The following PES1 variants were observed in gnomAD, a reference collection of about 807,000 sequenced individuals.
The protein encoded by PES1 is pescadillo ribosomal biogenesis factor 1, also known as pescadillo homolog.
A neutral mutation model predicts 77.1 loss-of-function variants in PES1; 31 were observed. The observed-to-expected ratio is 0.40, with a 90% CI of 0.30 to 0.54. The LOEUF is 0.54. Among genes scored for constraint, PES1 ranks in the 20% least tolerant of loss-of-function variants. The pLI, the probability that PES1 is intolerant of heterozygous loss-of-function variation, is 0.45. For synonymous variants in PES1, 282 were observed against 303.0 expected, an observed-to-expected ratio of 0.93 and a Z score of 0.72; for missense variants, 658 against 771.7, an observed-to-expected ratio of 0.85 and a Z score of 1.75.
chr22:30,603,377 T>G (rs568405473), intron 2 of PES1, among the ~76,000 whole-genome samples: 1 of 151,394 alleles, frequency 6.6e-6, no homozygotes, highest in Non-Finnish European at 1.5e-5. Context: ...TGTTTTTGTT[T>G]GTTTTTTGTT....
In PES1 at chr22:30,580,034, A is replaced by AG; in HGVS notation, c.1169+18dup. 1 of 1,613,038 alleles carries AG rather than the reference A, an allele frequency of 6.2e-7. No homozygotes were observed. ...GACAGGATACCCAGAAATCCGGACG[A>AG]GGACCCTTGAGGGCCTACCTGCCAA... is the stretch of plus-strand genomic sequence containing the variant. On this transcript the variant is annotated intron_variant, in intron 11 of 14. Transcript: ENST00000354694.
rs774125501 is a variant in PES1 at position 30,581,632 on chromosome 22, C to T, written c.643G>A (p.Val215Met). ...AAGGTGGCCATGACCCTGTAGTCCA[C>T]GTCTGTCGGGTGCTGGGGAACACAA... is the stretch of plus-strand genomic sequence containing the variant. ...YAFSHDHPTD[V>M]DYRVMATFTE... Residue 215 changes from valine to methionine, a missense_variant, in exon 7 of 15, where the codon GTG becomes ATG. By Grantham distance (21) the Val-to-Met change is conservative (BLOSUM62 1). Coordinates refer to ENST00000354694, the MANE Select transcript of PES1 (RefSeq NM_014303.4). 2.5e-6 allele frequency: 4 copies of T among 1,611,768 alleles called. No homozygotes were observed. The highest frequency in any genetic ancestry group is 3.4e-6 in the Non-Finnish European group (4 of 1,178,608).
chr22:30,602,982 C>T (rs1314145441), intron 2 of PES1, among the ~76,000 whole-genome samples: 1 of 152,112 alleles, frequency 6.6e-6, no homozygotes, highest in African/African-American at 2.4e-5. Flanking sequence ...GTAATCTTGG[C>T]TCACTGCAAC....
chr22:30,604,413 A>G (rs763887100), intron 2 of PES1, among the ~76,000 whole-genome samples: 1 of 151,858 alleles, frequency 6.6e-6, no homozygotes, highest in Non-Finnish European at 1.5e-5. Context: ...CAGGCAGATC[A>G]CTTGAGGTCA....
Position 30,581,322 on chromosome 22 carries a change from G to A in PES1, c.822+12C>T, listed in dbSNP as rs1423627081. On this transcript the variant is annotated intron_variant, in intron 8 of 14. Transcript: ENST00000354694. ...TTGGGAGATGCCGGATGATGCTCCT[G>A]GAGCCTCTCACCTCCATACAACTCT... 6.2e-7 allele frequency: 1 copy of A among 1,612,726 alleles called. No homozygotes were observed. Among genetic ancestry groups the A allele is most frequent in the African/African-American group, 1.3e-5 (1 of 75,036 alleles).
intron 1 of PES1, among the ~76,000 whole-genome samples, chr22:30,606,435 G>C (rs914549891): frequency 2.6e-5 from 4 of 152,020 alleles, no homozygotes; most frequent in Admixed American, 1.3e-4. Flanking sequence ...TGTTTTTGTA[G>C]AGACAGTGTT....
chr22:30,578,502 T>C (rs374898687), intron 14 of PES1, among the ~76,000 whole-genome samples: 116 of 152,226 alleles, frequency 7.6e-4, no homozygotes, highest in Non-Finnish European at 1.2e-3. Flanking sequence ...ACAAAACAGA[T>C]AGAAGTTTAA....
At chr22:30,592,094 T>TA (rs1414727414), upstream of PES1, 3 of 1,302,800 alleles carry the variant, frequency 2.3e-6, no homozygotes, top group Non-Finnish European at 2.9e-6. Flanking sequence ...CTTTAAGTGT[T>TA]AAAACAAACG....
At chr22:30,595,421 C>T (rs1474276133), upstream of PES1, among the ~76,000 whole-genome samples, 1 of 151,720 alleles carries the variant, frequency 6.6e-6, no homozygotes, top group Non-Finnish European at 1.5e-5. Context: ...GCCTGTAGTC[C>T]CAGCTACTCA....
At chr22:30,585,576 G>C (rs1252523005) in intron 4 of PES1, among the ~76,000 whole-genome samples, 1 of 152,024 alleles carries the variant, frequency 6.6e-6, no homozygotes, top group African/African-American at 2.4e-5. Flanking sequence ...AGAGACGCTG[G>C]CATCCAAACT....
At chr22:30,597,834 T>C (rs371508906) in intron 2 of PES1, among the ~76,000 whole-genome samples, 3 of 151,184 alleles carry the variant, frequency 2.0e-5, no homozygotes, top group Admixed American at 6.6e-5. Context: ...GCTGCCCGAC[T>C]CAGCTGTGGT....
At chr22:30,587,581 G>C (rs2087111625) in intron 3 of PES1, among the ~76,000 whole-genome samples, 186 bp from the exon 4 acceptor site, 1 of 152,184 alleles carries the variant, frequency 6.6e-6, no homozygotes, top group African/African-American at 2.4e-5. Context: ...GGAGCACCAA[G>C]CCTGGTGTGT....
Position 30,584,651 on chromosome 22 carries a change from G to A in PES1, c.435C>T (p.Ser145=), listed in dbSNP as rs1451418802. The A allele has an allele frequency of 9.3e-6, 15 of 1,613,888 alleles. No individual in the cohort carries two copies. The highest frequency in any genetic ancestry group is 3.3e-5 in the Admixed American group (2 of 60,012). ...GGCACTTGCCAGTCCGCGGGAAGGT[G>A]GAAAACAGGAAGCACATGGAGAGGG... ...DDALSMCFLF[S]TFPRTGKCHV... is the part of the protein sequence containing the mutation. Residue 145 remains serine (S), a synonymous_variant, in exon 5 of 15, where the codon TCC becomes TCT. Coordinates refer to ENST00000354694, the MANE Select transcript of PES1 (RefSeq NM_014303.4).
At chr22:30,593,912 T>A (rs964441530), upstream of PES1, among the ~76,000 whole-genome samples, 4 of 152,222 alleles carry the variant, frequency 2.6e-5, no homozygotes, top group African/African-American at 7.2e-5. Context: ...TAAACTCACA[T>A]TCCACTACCT....
intron 13 of PES1, 68 bp downstream of exon 13, chr22:30,579,069 T>A: frequency 6.2e-7 from 1 of 1,603,578 alleles, no homozygotes; most frequent in Non-Finnish European, 8.5e-7. Flanking sequence ...CTCCTGACCT[T>A]CTAGGCCAGA....
chr22:30,591,976 G>T (rs1232106037), upstream of PES1: 1 of 1,387,542 alleles, frequency 7.2e-7, no homozygotes, highest in Non-Finnish European at 9.3e-7. Context: ...GCCTGTACAA[G>T]TCCAGGGAAA....
intron 10 of PES1, among the ~76,000 whole-genome samples, 192 bp downstream of exon 10, chr22:30,580,379 T>A (rs1385101111): frequency 6.6e-6 from 1 of 152,198 alleles, no homozygotes; most frequent in Non-Finnish European, 1.5e-5. Context: ...AAGCTAGTAA[T>A]AAAATGACGG....
chr22:30,588,512 T>C (rs1377569511), intron 2 of PES1, among the ~76,000 whole-genome samples: 1 of 152,096 alleles, frequency 6.6e-6, no homozygotes, highest in Non-Finnish European at 1.5e-5. Context: ...GCGTGATGGC[T>C]CACATCTGTA....
intron 2 of PES1, among the ~76,000 whole-genome samples, chr22:30,597,168 C>T (rs2087266776): frequency 6.6e-6 from 1 of 152,116 alleles, no homozygotes; most frequent in South Asian, 2.1e-4. Context: ...GGCTCCGGCA[C>T]AGCCTAAGCC....
Sources: gnomAD v4.1 joint callset for allele counts (sites outside exome capture counted in the v4.1 genomes callset) on GRCh38, gnomAD v4.1.1 for gene constraint, MANE v1.5 for transcripts, NCBI Gene and HGNC (gene_info 2026-07-23, HGNC 2026-07-21) for gene names.